GPR137C: variants seen among roughly 807,000 people sequenced by gnomAD.
The protein encoded by GPR137C is G protein-coupled receptor 137C, also known as integral membrane protein GPR137C.
A neutral mutation model predicts 43.4 loss-of-function variants in GPR137C; 27 were observed. The observed-to-expected ratio is 0.62, with a 90% CI of 0.46 to 0.86. The LOEUF is 0.86. Among genes scored for constraint, GPR137C ranks in the 40% least tolerant of loss-of-function variants. The probability of loss-of-function intolerance (pLI) is 0.00; values close to 1 mark genes in which losing one functional copy is unlikely to be tolerated. For synonymous variants in GPR137C, 285 were observed against 226.9 expected (o/e 1.26, Z -2.30); for missense variants, 522 against 534.6 (o/e 0.98, Z 0.23).
At chr14:52,584,545 T>C (rs2038688187) in intron 1 of GPR137C, among the ~76,000 whole-genome samples, 1 of 152,198 alleles carries the variant, frequency 6.6e-6, no homozygotes, top group Non-Finnish European at 1.5e-5. Context: ...ATTATAGAAA[T>C]GTGTATAAGA....
chr14:52,613,766 G>T (rs1055683300), intron 3 of GPR137C: 1 of 198,056 alleles, frequency 5.0e-6, no homozygotes, highest in South Asian at 7.5e-5. Flanking sequence ...GGACACTTAG[G>T]TTGCTTGCAA....
chr14:52,552,869 C>T lies in GPR137C; in HGVS notation c.-279C>T, dbSNP rs923698111. ...GCGAGCGCCTCAAATGCTCGGGTTT[C>T]TCAGCTGATTGTCTCCAGCCGAGAG... is the stretch of plus-strand genomic sequence containing the variant. On this transcript the variant is annotated 5_prime_UTR_variant, in exon 1 of 7. Transcript: ENST00000321662. Among the ~76,000 whole-genome samples, 6 of 152,014 alleles carry T rather than the reference C, an allele frequency of 3.9e-5. No individual in the cohort carries two copies. Among genetic ancestry groups the T allele is most frequent in the African/African-American group, 1.4e-4 (6 of 41,422 alleles).
At chr14:52,627,546 ATATT>A (rs1433604372) in intron 3 of GPR137C, among the ~76,000 whole-genome samples, 1 of 151,718 alleles carries the variant, frequency 6.6e-6, no homozygotes, top group African/African-American at 2.4e-5. Flanking sequence ...GATGATCTAA[ATATT>A]TAAAGTGTGC....
Position 52,637,568 on chromosome 14 carries a change from T to C in GPR137C, c.*2453T>C, listed in dbSNP as rs1406723344. ...GCTTTTTTATGCATAGCTGCCTTTT[T>C]TATTGTTTAACAGTGTTTCTCAGCT... On this transcript the variant is annotated 3_prime_UTR_variant, in exon 7 of 7. Coordinates refer to ENST00000321662, the MANE Select transcript of GPR137C (RefSeq NM_001099652.2). 6.6e-6 allele frequency: 1 copy of C among 152,168 alleles called. No individual in the cohort carries two copies. The highest frequency in any genetic ancestry group is 1.5e-5 in the Non-Finnish European group (1 of 68,002). 9.4% of individuals were successfully genotyped at this position (152,168 alleles called of 1,614,324 possible).
chr14:52,571,002 A>G (rs1000566016), intron 1 of GPR137C, among the ~76,000 whole-genome samples: 1 of 152,226 alleles, frequency 6.6e-6, no homozygotes, highest in African/African-American at 2.4e-5. Flanking sequence ...ATAGACAGCT[A>G]CAGAATTCTC....
chr14:52,613,944 T>C (rs1160818848), intron 3 of GPR137C, among the ~76,000 whole-genome samples: 1 of 152,200 alleles, frequency 6.6e-6, no homozygotes, highest in Non-Finnish European at 1.5e-5. Flanking sequence ...TTCTCCATAG[T>C]GGTTGTACTA....
At position 52,552,908 on chromosome 14, in the gene GPR137C, C is replaced by T. The variant is rs1210663821; in HGVS notation, c.-240C>T. ...TCCAGCCGAGAGTTGTTTTTTGCAG[C>T]TACGGAGCCGAGCCGCAGCAGGAGG... On this transcript the variant is annotated 5_prime_UTR_variant, in exon 1 of 7. Transcript: ENST00000321662. Among the ~76,000 whole-genome samples, 2 of 151,876 alleles carry T rather than the reference C, an allele frequency of 1.3e-5. No homozygotes were observed. Among genetic ancestry groups the T allele is most frequent in the Non-Finnish European group, 2.9e-5 (2 of 67,894 alleles).
At chr14:52,622,923 G>C (rs551466766) in intron 3 of GPR137C, among the ~76,000 whole-genome samples, 2 of 152,176 alleles carry the variant, frequency 1.3e-5, no homozygotes, top group South Asian at 4.1e-4. Context: ...GAAGAATATA[G>C]TCACTGCCGG....
At chr14:52,609,157 T>C (rs1470858389) in intron 3 of GPR137C, among the ~76,000 whole-genome samples, 3 of 152,216 alleles carry the variant, frequency 2.0e-5, no homozygotes, top group African/African-American at 7.2e-5. Context: ...TAGTCTGTTT[T>C]CAAGCTCACT....
In GPR137C at chr14:52,615,816, A is replaced by G. The variant is rs2139559360; in HGVS notation, c.717+15475A>G. On this transcript the variant is annotated intron_variant, in intron 3 of 6. Coordinates refer to ENST00000321662, the MANE Select transcript of GPR137C (RefSeq NM_001099652.2). ...CTGATTTGTGAATGTTGATTTTTGT[A>G]TCCTGCTATTTTTTAATTTGTATTT... Among the ~76,000 whole-genome samples the G allele has an allele frequency of 1.3e-5, 2 of 152,186 alleles. 1 individual carries two copies. Among genetic ancestry groups the G allele is most frequent in the Non-Finnish European group, 2.9e-5 (2 of 67,986 alleles).
rs887583473 is a variant in GPR137C, at chr14:52,625,805, C to T, written c.718-6355C>T. ...TCCTGATCTTGTGATCCACCTACCTCGGCCTCCCAAAGTGCTGGAATTACA... is the reference window on the plus strand; with the variant it reads ...TCCTGATCTTGTGATCCACCTACCTTGGCCTCCCAAAGTGCTGGAATTACA... On this transcript the variant is annotated intron_variant, in intron 3 of 6. Transcript: ENST00000321662. Among the ~76,000 whole-genome samples, 10 of 151,816 alleles carry T rather than the reference C, an allele frequency of 6.6e-5. No homozygotes were observed. In the East Asian group the frequency reaches 7.8e-4, roughly 12 times the overall value.
chr14:52,581,002 C>T (rs895565825), intron 1 of GPR137C, among the ~76,000 whole-genome samples: 6 of 149,666 alleles, frequency 4.0e-5, no homozygotes, highest in African/African-American at 1.5e-4. Context: ...AGTTTGAGAC[C>T]AGCCTGGCCA....
At chr14:52,627,034 T>G (rs1185115103) in intron 3 of GPR137C, among the ~76,000 whole-genome samples, 1 of 152,142 alleles carries the variant, frequency 6.6e-6, no homozygotes, top group Non-Finnish European at 1.5e-5. Context: ...AGATGGCAAT[T>G]CTCCCCTAAT....
At chr14:52,583,073 C>T (rs952047092) in intron 1 of GPR137C, among the ~76,000 whole-genome samples, 2 of 151,512 alleles carry the variant, frequency 1.3e-5, no homozygotes, top group Admixed American at 1.3e-4. Flanking sequence ...TATAAATGGC[C>T]CATTTATCCA....
At chr14:52,556,638 C>T (rs1206949606) in intron 1 of GPR137C, among the ~76,000 whole-genome samples, 3 of 151,904 alleles carry the variant, frequency 2.0e-5, no homozygotes, top group South Asian at 2.1e-4. Flanking sequence ...GGAGTTTTAC[C>T]GGAGAAGACT....
chr14:52,598,618 T>C (rs1033934820), intron 2 of GPR137C, among the ~76,000 whole-genome samples: 2 of 152,178 alleles, frequency 1.3e-5, no homozygotes, highest in African/African-American at 4.8e-5. Flanking sequence ...GGGTCCACTT[T>C]TGCCAAAGTT....
rs1349412298 is a variant in GPR137C at position 52,635,630 on chromosome 14, A to T, written c.*515A>T. 1 of 152,178 alleles carries T rather than the reference A, an allele frequency of 6.6e-6. No individual in the cohort carries two copies. Among genetic ancestry groups the T allele is most frequent in the African/African-American group, 2.4e-5 (1 of 41,452 alleles). The allele number at this position is 152,178 out of a possible 1,614,324, so 9.4% of individuals were successfully genotyped here. A position where few individuals can be genotyped will look rare whatever the true frequency, so the allele number is the denominator to read the frequency against. On this transcript the variant is annotated 3_prime_UTR_variant, in exon 7 of 7. Transcript: ENST00000321662. ...TTATAAAAATCTACTGAAAATGTGT[A>T]ATCATTGAAGACAGTTCTTTTAAGC...
intron 3 of GPR137C, among the ~76,000 whole-genome samples, chr14:52,625,087 A>G (rs1401408225): frequency 6.6e-6 from 1 of 152,214 alleles, no homozygotes; most frequent in Non-Finnish European, 1.5e-5. Context: ...AATTAAAGTT[A>G]TTATCAGAAA....
At chr14:52,611,372 CTAGTTATGAA>C (rs2039037141) in intron 3 of GPR137C, 1 of 153,068 alleles carries the variant, frequency 6.5e-6, no homozygotes, top group Non-Finnish European at 1.4e-5. Context: ...TAATGTGTAC[CTAGTTATGAA>C]TAGATATTTA....
Sources: gnomAD v4.1 joint callset for allele counts (sites outside exome capture counted in the v4.1 genomes callset) on GRCh38, gnomAD v4.1.1 for gene constraint, MANE v1.5 for transcripts, NCBI Gene and HGNC (gene_info 2026-07-23, HGNC 2026-07-21) for gene names.